LRP6: variants seen among roughly 807,000 people sequenced by gnomAD.
The protein encoded by LRP6 is LDL receptor related protein 6.
LRP6 carries 43 observed loss-of-function variants against 184.1 expected under a neutral mutation model. The observed-to-expected ratio is 0.23, with a 90% confidence interval of 0.18 to 0.30. The LOEUF (loss-of-function observed/expected upper bound fraction) is 0.30. Ranked by LOEUF, LRP6 falls within the 10% of genes least tolerant of loss-of-function variation. The pLI, the probability that LRP6 is intolerant of heterozygous loss-of-function variation, is 1.00. For missense variants in LRP6, 1,571 were observed against 2,005.3 expected, an observed-to-expected ratio of 0.78 and a Z score of 4.14; for synonymous variants, 719 against 684.9, an observed-to-expected ratio of 1.05 and a Z score of -0.78.
intron 15 of LRP6, among the ~76,000 whole-genome samples, chr12:12,142,445 G>A (rs886237002): frequency 6.6e-6 from 1 of 152,054 alleles, no homozygotes; most frequent in African/African-American, 2.4e-5. Flanking sequence ...AACAAACTAA[G>A]CATGCACTGG....
chr12:12,150,473 A>G (rs1950066679), intron 13 of LRP6, among the ~76,000 whole-genome samples: 1 of 152,224 alleles, frequency 6.6e-6, no homozygotes, highest in South Asian at 2.1e-4. Flanking sequence ...AAAGTTCCTA[A>G]GAATCCTAAG....
chr12:12,259,539 G>A (rs761011905), intron 1 of LRP6, among the ~76,000 whole-genome samples: 2 of 152,034 alleles, frequency 1.3e-5, no homozygotes, highest in Non-Finnish European at 2.9e-5. Context: ...TTTCACCGAA[G>A]AGTCCAAGCA....
At chr12:12,180,121 G>A (rs1863306464) in intron 6 of LRP6, 140 bp from the exon 7 acceptor site, 1 of 683,962 alleles carries the variant, frequency 1.5e-6, no homozygotes, top group Non-Finnish European at 2.5e-6. Flanking sequence ...AAAAACATAT[G>A]AAGAGGTGTT....
chr12:12,140,946 C>T (rs1265500386), intron 15 of LRP6, among the ~76,000 whole-genome samples: 1 of 151,992 alleles, frequency 6.6e-6, no homozygotes, highest in Non-Finnish European at 1.5e-5. Context: ...CATATCAAAT[C>T]CAGCAATAAA....
chr12:12,165,690 T>C (rs373556323), intron 7 of LRP6, among the ~76,000 whole-genome samples: 2 of 152,210 alleles, frequency 1.3e-5, no homozygotes, highest in Admixed American at 1.3e-4. Context: ...TTTTATTTTA[T>C]CTTGAGAGCT....
At chr12:12,188,506 T>A (rs963842901) in intron 3 of LRP6, among the ~76,000 whole-genome samples, 1 of 152,178 alleles carries the variant, frequency 6.6e-6, no homozygotes, top group Non-Finnish European at 1.5e-5. Context: ...ATTTCTACTA[T>A]CTAACAGACT....
chr12:12,205,984 C>A (rs1330614062), intron 2 of LRP6, among the ~76,000 whole-genome samples: 1 of 152,170 alleles, frequency 6.6e-6, no homozygotes, highest in African/African-American at 2.4e-5. Context: ...TGTCACTATA[C>A]CTTTTCTATG....
intron 7 of LRP6, among the ~76,000 whole-genome samples, chr12:12,177,148 C>T (rs1304128902): frequency 6.6e-6 from 1 of 151,990 alleles, no homozygotes; most frequent in African/African-American, 2.4e-5. Flanking sequence ...GCCCGGCCAA[C>T]CAAACAGACT....
intron 17 of LRP6, among the ~76,000 whole-genome samples, chr12:12,132,440 C>T (rs1436521896): frequency 6.6e-6 from 1 of 152,152 alleles, no homozygotes; most frequent in East Asian, 1.9e-4. Flanking sequence ...AAGGATAGTC[C>T]ATGAACCCTT....
At chr12:12,153,706 T>C (rs541941674) in intron 12 of LRP6, among the ~76,000 whole-genome samples, 2 of 152,212 alleles carry the variant, frequency 1.3e-5, no homozygotes, top group African/African-American at 4.8e-5. Flanking sequence ...TATTAAACTC[T>C]AACCACCTCT....
chr12:12,163,045 G>A (rs751864885), intron 9 of LRP6, among the ~76,000 whole-genome samples: 121 of 151,922 alleles, frequency 8.0e-4, no homozygotes, highest in Non-Finnish European at 1.6e-3. Flanking sequence ...GCATGATCTC[G>A]GCTCACTGCA....
At chr12:12,195,722 T>G (rs903548217) in intron 3 of LRP6, among the ~76,000 whole-genome samples, 33 of 152,282 alleles carry the variant, frequency 2.2e-4, no homozygotes, top group African/African-American at 6.5e-4. Context: ...TTTTTGCTTT[T>G]GTTGCCTGCA....
At chr12:12,195,961 C>A (rs1390561693) in intron 3 of LRP6, among the ~76,000 whole-genome samples, 1 of 152,002 alleles carries the variant, frequency 6.6e-6, no homozygotes, top group African/African-American at 2.4e-5. Flanking sequence ...TTTCCCCAAT[C>A]TATGTTCTTG....
chr12:12,119,991 AT>A lies in LRP6; in HGVS notation c.*1134del, dbSNP rs1949576701. ...CTCAGAAAACAAACAAACAAACAAA[AT>A]ATATATATATATATATATATATATA... is the stretch of plus-strand genomic sequence containing the variant. On this transcript the variant is annotated 3_prime_UTR_variant, in exon 23 of 23. Coordinates refer to ENST00000261349, the MANE Select transcript of LRP6 (RefSeq NM_002336.3). 18 of 3,226 alleles carry A rather than the reference AT, an allele frequency of 5.6e-3. No homozygotes were observed. Among genetic ancestry groups the A allele is most frequent in the Admixed American group, 0.022 (7 of 314 alleles). 0.2% of individuals were successfully genotyped at this position (3,226 alleles called of 1,614,324 possible). A position where few individuals can be genotyped will look rare whatever the true frequency, so the allele number is the denominator to read the frequency against.
chr12:12,178,740 A>C (rs950009385), intron 7 of LRP6, among the ~76,000 whole-genome samples: 21 of 152,188 alleles, frequency 1.4e-4, no homozygotes, highest in Non-Finnish European at 2.8e-4. Context: ...AAATTTATGG[A>C]GTCTATGCAA....
At position 12,181,367 on chromosome 12, in the gene LRP6, G is replaced by A. The variant is rs2136991995; in HGVS notation, c.1049C>T (p.Thr350Ile). 6.3e-7 allele frequency: 1 copy of A among 1,599,994 alleles called. No homozygotes were observed. The highest frequency in any genetic ancestry group is 8.6e-7 in the Non-Finnish European group (1 of 1,167,166). ...GTCTTCTAACTGCAGAACAATGTCT[G>A]TAAAATCTGGTGTATCCAAAGAAAT... is the stretch of plus-strand genomic sequence containing the variant. ...RRISLDTPDF[T>I]DIVLQLEDIR... is the part of the protein sequence containing the mutation. The change falls in exon 6 of 23, where the codon ACA becomes ATA. Residue 350 changes from threonine to isoleucine, a missense_variant. Physicochemically the swap from Thr to Ile is moderately conservative, Grantham distance 89. Around this residue, in one of 4 missense-constraint regions of LRP6, gnomAD observed 640 missense variants for 851.9 expected, o/e 0.75. Transcript: ENST00000261349.
intron 2 of LRP6, among the ~76,000 whole-genome samples, chr12:12,227,770 T>C (rs1036885123): frequency 6.6e-6 from 1 of 152,078 alleles, no homozygotes; most frequent in Non-Finnish European, 1.5e-5. Flanking sequence ...CAGCACAGTG[T>C]AGTCAATGAT....
At chr12:12,260,293 G>A (rs1030480567) in intron 1 of LRP6, among the ~76,000 whole-genome samples, 3 of 151,878 alleles carry the variant, frequency 2.0e-5, no homozygotes, top group African/African-American at 4.8e-5. Flanking sequence ...CAGGAGAATG[G>A]CGTGAACCCG....
intron 2 of LRP6, among the ~76,000 whole-genome samples, chr12:12,220,959 G>GT (rs1424164159): frequency 4.6e-5 from 7 of 152,156 alleles, no homozygotes; most frequent in African/African-American, 1.7e-4. Context: ...TTCAGATAAA[G>GT]TAACTTCAAC....
Sources: allele counts gnomAD v4.1 joint callset (sites outside exome capture counted in the v4.1 genomes callset), GRCh38; gene constraint gnomAD v4.1.1; regional missense constraint gnomAD v4.1.1; transcripts MANE v1.5; gene names NCBI Gene and HGNC (gene_info 2026-07-23, HGNC 2026-07-21).